Variants in CDH1 observed in about 807,000 individuals in gnomAD.
CDH1 encodes cadherin-1.
In CDH1, 35 loss-of-function variants were observed where a neutral mutation model predicts 84.5. That is an observed-to-expected ratio of 0.41 (90% CI 0.32 to 0.55). CDH1 has a LOEUF of 0.55. CDH1 is among the 20% of genes least tolerant of loss of function. CDH1 has a pLI of 0.19. For missense variants in CDH1, 994 were observed against 1,126.6 expected (o/e 0.88, Z 1.68); for synonymous variants, 417 against 439.0 (o/e 0.95, Z 0.63).
intron 13 of CDH1, among the ~76,000 whole-genome samples, chr16:68,824,221 T>A (rs1961259139): frequency 6.6e-6 from 1 of 152,084 alleles, no homozygotes; most frequent in African/African-American, 2.4e-5. Flanking sequence ...GGTCTCAGAC[T>A]CCCGACCTCA....
At chr16:68,802,581 C>T (rs1273332186) in intron 3 of CDH1, among the ~76,000 whole-genome samples, 1 of 152,040 alleles carries the variant, frequency 6.6e-6, no homozygotes, top group Non-Finnish European at 1.5e-5. Flanking sequence ...AGTGATCCTC[C>T]TGCCTCCACC....
At chr16:68,760,514 G>T (rs547337337) in intron 2 of CDH1, among the ~76,000 whole-genome samples, 4 of 152,184 alleles carry the variant, frequency 2.6e-5, no homozygotes, top group African/African-American at 9.6e-5. Flanking sequence ...AGGCCTTGGA[G>T]AATTTTGCCC....
At chr16:68,774,067 C>T (rs962951234) in intron 2 of CDH1, among the ~76,000 whole-genome samples, 12 of 152,182 alleles carry the variant, frequency 7.9e-5, no homozygotes, top group Admixed American at 4.6e-4. Context: ...AGGCACACGC[C>T]ACCACATCTG....
At chr16:68,759,494 T>G (rs1438723048) in intron 2 of CDH1, among the ~76,000 whole-genome samples, 1 of 147,404 alleles carries the variant, frequency 6.8e-6, no homozygotes, top group African/African-American at 2.7e-5. Flanking sequence ...TTTCTTTTTT[T>G]TTTTTTTTTG....
intron 2 of CDH1, among the ~76,000 whole-genome samples, chr16:68,792,970 C>T (rs1960250567): frequency 6.6e-6 from 1 of 152,104 alleles, no homozygotes; most frequent in Non-Finnish European, 1.5e-5. Context: ...TTGTTCTGGG[C>T]ACATATGTTT....
At chr16:68,791,119 T>C (rs773705540) in intron 2 of CDH1, among the ~76,000 whole-genome samples, 4 of 152,080 alleles carry the variant, frequency 2.6e-5, no homozygotes, top group Admixed American at 6.6e-5. Flanking sequence ...TCTGTTGTGA[T>C]TGTGGCTGGA....
At chr16:68,781,200 A>C (rs1019738332) in intron 2 of CDH1, among the ~76,000 whole-genome samples, 2 of 152,164 alleles carry the variant, frequency 1.3e-5, no homozygotes, top group African/African-American at 4.8e-5. Flanking sequence ...GACATTATTT[A>C]TCTGCAGGTC....
At position 68,821,833 on chromosome 16, in the gene CDH1, G is replaced by C. The variant is rs1338685632; in HGVS notation, c.1712-168G>C. Among the ~76,000 whole-genome samples, 3 of 152,178 alleles carry C rather than the reference G, an allele frequency of 2.0e-5. No individual in the cohort carries two copies. Among genetic ancestry groups the C allele is most frequent in the Non-Finnish European group, 2.9e-5 (2 of 68,030 alleles). On this transcript the variant is annotated intron_variant, in intron 11 of 15. Coordinates refer to ENST00000261769, the MANE Select transcript of CDH1 (RefSeq NM_004360.5). ...AACGGCCAGAGACCTGCCCACCTGG[G>C]AGTGGAGGTCCTTTGGGATTGGTGG...
chr16:68,754,234 C>T (rs1055901475), intron 2 of CDH1, among the ~76,000 whole-genome samples: 2 of 151,782 alleles, frequency 1.3e-5, no homozygotes, highest in Non-Finnish European at 2.9e-5. Flanking sequence ...CATAGGGAGA[C>T]CCTGTCTCTA....
intron 13 of CDH1, among the ~76,000 whole-genome samples, chr16:68,825,413 G>A (rs892850966): frequency 7.9e-5 from 12 of 152,174 alleles, no homozygotes; most frequent in African/African-American, 2.9e-4. Context: ...TTTGGAGGGA[G>A]CAGTGGGACC....
At chr16:68,816,334 C>G (rs1208540442) in intron 10 of CDH1, among the ~76,000 whole-genome samples, 2 of 152,168 alleles carry the variant, frequency 1.3e-5, no homozygotes, top group African/African-American at 4.8e-5. Context: ...TTCTAAGTAG[C>G]TTACTATCAG....
chr16:68,813,142 A>G (rs1960884578), intron 8 of CDH1, among the ~76,000 whole-genome samples, 171 bp from the exon 9 acceptor site: 1 of 152,044 alleles, frequency 6.6e-6, no homozygotes, highest in Non-Finnish European at 1.5e-5. Flanking sequence ...GCTTGAGCCC[A>G]GGAGGTTGAG....
chr16:68,803,306 G>T (rs1220882327), intron 3 of CDH1, among the ~76,000 whole-genome samples: 2 of 152,116 alleles, frequency 1.3e-5, no homozygotes, highest in Non-Finnish European at 2.9e-5. Flanking sequence ...TTGACTCAAA[G>T]TCTCCAAGGG....
chr16:68,819,158 T>C, intron 10 of CDH1, 122 bp from the exon 11 acceptor site: 1 of 1,101,360 alleles, frequency 9.1e-7, no homozygotes, highest in Non-Finnish European at 1.4e-6. Flanking sequence ...GACCGGCCTA[T>C]TGTTGGTTTT....
intron 2 of CDH1, among the ~76,000 whole-genome samples, chr16:68,797,489 C>T (rs1184849531): frequency 6.6e-6 from 1 of 152,110 alleles, no homozygotes; most frequent in African/African-American, 2.4e-5. Context: ...TTGTGAGCAG[C>T]CTGGGCAACG....
chr16:68,803,742 C>G (rs1270494752), intron 3 of CDH1, among the ~76,000 whole-genome samples: 1 of 152,176 alleles, frequency 6.6e-6, no homozygotes, highest in South Asian at 2.1e-4. Flanking sequence ...TTCCACATCT[C>G]TTGAACTTTG....
chr16:68,743,006 C>T (rs150727713), intron 2 of CDH1, among the ~76,000 whole-genome samples: 1,952 of 152,328 alleles, frequency 0.013, 42 homozygotes, highest in African/African-American at 0.045. Flanking sequence ...GTCTTGGGCC[C>T]GGCAAGGCCA....
chr16:68,804,285 T>C (rs1960593342), intron 3 of CDH1, among the ~76,000 whole-genome samples: 1 of 151,952 alleles, frequency 6.6e-6, no homozygotes, highest in African/African-American at 2.4e-5. Flanking sequence ...GGCTTATTTT[T>C]TGTATTTTTA....
chr16:68,812,038 A>G (rs1433144847), intron 7 of CDH1, 97 bp from the exon 8 acceptor site: 1 of 1,580,668 alleles, frequency 6.3e-7, no homozygotes, highest in East Asian at 2.2e-5. Flanking sequence ...GGCATGAAGC[A>G]CATGGTTAAA....
Sources: allele counts gnomAD v4.1 joint callset (sites outside exome capture counted in the v4.1 genomes callset), GRCh38; gene constraint gnomAD v4.1.1; transcripts MANE v1.5; gene names NCBI Gene and HGNC (gene_info 2026-07-23, HGNC 2026-07-21).